The following METTL25 variants were observed in gnomAD, a reference collection of about 807,000 sequenced individuals.
The protein encoded by METTL25 is methyltransferase like 25.
Under a neutral mutation model 71.6 loss-of-function variants are expected in METTL25, and 64 were observed. The observed-to-expected ratio is 0.89, with a 90% CI of 0.73 to 1.10. The LOEUF is 1.10. Among genes scored for constraint, METTL25 ranks in the 50% least tolerant of loss-of-function variants. METTL25 has a pLI of 0.00. For missense variants in METTL25, 807 were observed against 707.0 expected (o/e 1.14, Z -1.60); for synonymous variants, 287 against 250.3 (o/e 1.15, Z -1.38).
chr12:82,478,226 C>T (rs1349284146), intron 11 of METTL25, among the ~76,000 whole-genome samples: 2 of 151,690 alleles, frequency 1.3e-5, no homozygotes, highest in Non-Finnish European at 3.0e-5. Context: ...CATCCCTTTT[C>T]AAAACAATCT....
At chr12:82,442,792 T>G (rs995708144) in intron 8 of METTL25, among the ~76,000 whole-genome samples, 5 of 152,118 alleles carry the variant, frequency 3.3e-5, no homozygotes, top group Non-Finnish European at 5.9e-5. Flanking sequence ...AAAGTTTAAT[T>G]TAAAGAACTA....
chr12:82,413,765 C>CT (rs202154932), intron 5 of METTL25, among the ~76,000 whole-genome samples: 3 of 151,534 alleles, frequency 2.0e-5, no homozygotes, highest in Non-Finnish European at 2.9e-5. Flanking sequence ...CTTTTAGTAT[C>CT]TTTTTTTTCT....
intron 9 of METTL25, among the ~76,000 whole-genome samples, chr12:82,461,646 T>C (rs1277508899): frequency 2.0e-5 from 3 of 152,120 alleles, no homozygotes; most frequent in African/African-American, 7.2e-5. Flanking sequence ...AAATTCATGC[T>C]TGTCAACAGA....
At chr12:82,376,543 C>T (rs944058139) in intron 1 of METTL25, among the ~76,000 whole-genome samples, 2 of 152,206 alleles carry the variant, frequency 1.3e-5, no homozygotes, top group African/African-American at 4.8e-5. Flanking sequence ...TTCAGAGTTT[C>T]ACCACAAGTG....
At chr12:82,358,872 C>A (rs968118292) in intron 1 of METTL25, 48 bp downstream of exon 1, 86 of 1,552,378 alleles carry the variant, frequency 5.5e-5, no homozygotes, top group Non-Finnish European at 7.2e-5. Context: ...AGGAGAAGGT[C>A]CCGGCAGACG....
chr12:82,387,075 T>C (rs1005394327), intron 2 of METTL25, 108 bp downstream of exon 2: 1 of 891,048 alleles, frequency 1.1e-6, no homozygotes, highest in South Asian at 2.1e-5. Flanking sequence ...TGTTAGACCT[T>C]AATATATAAG....
At chr12:82,478,419 T>G (rs1264536671) in intron 11 of METTL25, among the ~76,000 whole-genome samples, 1 of 151,754 alleles carries the variant, frequency 6.6e-6, no homozygotes, top group Non-Finnish European at 1.5e-5. Context: ...TTAAGAGTAG[T>G]CATAATCCTA....
Position 82,358,742 on chromosome 12 carries a change from G to A in METTL25, c.177G>A (p.Leu59=), listed in dbSNP as rs202074644. 3.7e-6 allele frequency: 6 copies of A among 1,614,140 alleles called. No individual in the cohort carries two copies. Among genetic ancestry groups the A allele is most frequent in the African/African-American group, 1.3e-5 (1 of 75,070 alleles). The change falls in exon 1 of 12, where the codon CTG becomes CTA. Residue 59 remains leucine, a synonymous_variant. Coordinates refer to ENST00000248306, the MANE Select transcript of METTL25 (RefSeq NM_032230.3). ...ELVDLPPETV[L]AALRKSASET... Reference sequence around the variant, plus strand: ...TCGACTTGCCACCGGAGACAGTGCTGGCTGCGCTGAGGAAGTCAGCGTCGG... The same window carrying A: ...TCGACTTGCCACCGGAGACAGTGCTAGCTGCGCTGAGGAAGTCAGCGTCGG...
chr12:82,378,177 C>A (rs1236007042), intron 1 of METTL25, among the ~76,000 whole-genome samples: 1 of 152,116 alleles, frequency 6.6e-6, no homozygotes, highest in Non-Finnish European at 1.5e-5. Context: ...TAGGCTGATA[C>A]CAATGACAGT....
intron 1 of METTL25, among the ~76,000 whole-genome samples, chr12:82,361,729 CCCACAA>C (rs1214007426): frequency 2.0e-5 from 3 of 152,188 alleles, no homozygotes; most frequent in Non-Finnish European, 1.5e-5. Context: ...GCCTGCCAAG[CCCACAA>C]CCACCCGGAA....
intron 5 of METTL25, among the ~76,000 whole-genome samples, chr12:82,417,358 A>C (rs1888071269): frequency 6.6e-6 from 1 of 152,170 alleles, no homozygotes; most frequent in Non-Finnish European, 1.5e-5. Flanking sequence ...ATGAACTCAA[A>C]ATATTAAACA....
At chr12:82,470,760 C>T (rs747472332) in intron 9 of METTL25, among the ~76,000 whole-genome samples, 8 of 152,124 alleles carry the variant, frequency 5.3e-5, no homozygotes, top group Non-Finnish European at 8.8e-5. Context: ...TTTTTCATAT[C>T]TAATGAATTA....
chr12:82,442,636 G>A (rs1456103018), intron 8 of METTL25, among the ~76,000 whole-genome samples: 1 of 152,138 alleles, frequency 6.6e-6, no homozygotes, highest in East Asian at 1.9e-4. Context: ...TCCTTGTGGT[G>A]ATGGAAGTGT....
intron 5 of METTL25, among the ~76,000 whole-genome samples, chr12:82,422,195 C>T (rs1888577242): frequency 6.6e-6 from 1 of 152,114 alleles, no homozygotes; most frequent in Non-Finnish European, 1.5e-5. Flanking sequence ...AAAGCTTATC[C>T]ACCATGATCA....
intron 1 of METTL25, among the ~76,000 whole-genome samples, chr12:82,361,504 C>T (rs1480653948): frequency 1.3e-5 from 2 of 152,100 alleles, no homozygotes. Context: ...ACGCAGGAGC[C>T]CACGGTGGGG....
At chr12:82,360,593 A>G (rs1881724140) in intron 1 of METTL25, among the ~76,000 whole-genome samples, 1 of 152,100 alleles carries the variant, frequency 6.6e-6, no homozygotes, top group African/African-American at 2.4e-5. Context: ...AAAAGATAAG[A>G]AAAAAACCGA....
rs190005344 is a variant in METTL25, at chr12:82,412,482, C to T, written c.1279+9352C>T. 1.6e-3 allele frequency among the ~76,000 whole-genome samples: 249 copies of T among 152,210 alleles called. 1 individual carries two copies. Among genetic ancestry groups the T allele is most frequent in the Non-Finnish European group, 2.6e-3 (178 of 68,004 alleles). On this transcript the variant is annotated intron_variant, in intron 5 of 11. Transcript: ENST00000248306. Reference sequence around the variant, plus strand: ...CAGTTTCAAGCTACCAACCTGATGTCAGTAAATGCTGGGTTGGCAAGAGAT... The same window carrying T: ...CAGTTTCAAGCTACCAACCTGATGTTAGTAAATGCTGGGTTGGCAAGAGAT...
intron 6 of METTL25, among the ~76,000 whole-genome samples, chr12:82,434,121 A>G (rs555721677): frequency 2.6e-5 from 4 of 151,378 alleles, no homozygotes; most frequent in Non-Finnish European, 4.4e-5. Context: ...AATATGTTTT[A>G]CTTTCTCTTC....
chr12:82,371,735 T>C (rs1186390938), intron 1 of METTL25, among the ~76,000 whole-genome samples: 1 of 152,160 alleles, frequency 6.6e-6, no homozygotes, highest in East Asian at 1.9e-4. Flanking sequence ...TTAAGATCAA[T>C]TGACCCTCAA....
Sources: gnomAD v4.1 joint callset for allele counts (sites outside exome capture counted in the v4.1 genomes callset) on GRCh38, gnomAD v4.1.1 for gene constraint, MANE v1.5 for transcripts, NCBI Gene and HGNC (gene_info 2026-07-23, HGNC 2026-07-21) for gene names.